The following CAPN5 variants were observed in gnomAD, a reference collection of about 807,000 sequenced individuals.
CAPN5 encodes the protein calpain-5.
CAPN5 carries 54 observed loss-of-function variants against 73.0 expected under a neutral mutation model. The observed-to-expected ratio is 0.74, with a 90% CI of 0.59 to 0.93. The LOEUF (loss-of-function observed/expected upper bound fraction) is 0.93, where lower values mean the gene tolerates loss of function less well. Among genes scored for constraint, CAPN5 ranks in the 40% least tolerant of loss-of-function variants. CAPN5 has a pLI of 0.00. For synonymous variants in CAPN5, 335 were observed against 356.9 expected (o/e 0.94, Z 0.69); for missense variants, 785 against 882.9 (o/e 0.89, Z 1.41).
intron 3 of CAPN5, chr11:77,103,100 G>C: frequency 6.2e-7 from 1 of 1,613,880 alleles, no homozygotes; most frequent in Non-Finnish European, 8.5e-7. Context: ...CGCAGAACTG[G>C]ACGCCTGACC....
At chr11:77,105,054 G>T (rs548612988) in intron 3 of CAPN5, among the ~76,000 whole-genome samples, 2 of 151,822 alleles carry the variant, frequency 1.3e-5, no homozygotes. Flanking sequence ...GGCCAGAACC[G>T]TGTGCAGTGG....
chr11:77,080,475 C>A (rs1026079815), intron 1 of CAPN5, among the ~76,000 whole-genome samples: 1 of 152,236 alleles, frequency 6.6e-6, no homozygotes, highest in Non-Finnish European at 1.5e-5. Flanking sequence ...AGCTCTGGAG[C>A]CTGGCCTTGG....
chr11:77,119,635 C>T (rs958867193), intron 9 of CAPN5: 3 of 164,242 alleles, frequency 1.8e-5, no homozygotes, highest in African/African-American at 7.1e-5. Flanking sequence ...CTGAGGCCTT[C>T]CACGTGTTGT....
At chr11:77,092,336 C>G (rs1241598913) in intron 2 of CAPN5, among the ~76,000 whole-genome samples, 2 of 152,262 alleles carry the variant, frequency 1.3e-5, no homozygotes, top group African/African-American at 4.8e-5. Flanking sequence ...GATTGAGGAG[C>G]TGGAATTCAG....
At chr11:77,113,704 G>A (rs552789611) in intron 4 of CAPN5, among the ~76,000 whole-genome samples, 2 of 108,486 alleles carry the variant, frequency 1.8e-5, no homozygotes, top group African/African-American at 7.9e-5. Flanking sequence ...CCAGCCCCCT[G>A]GTGGCCACTG....
At chr11:77,071,616 A>G (rs1555033083) in intron 1 of CAPN5, 1 of 453,950 alleles carries the variant, frequency 2.2e-6, no homozygotes. Context: ...ACAGATGAGA[A>G]TTCTGAAGCA....
In CAPN5 at chr11:77,120,892, T is replaced by C; in HGVS notation, c.1470T>C (p.Asp490=). The C allele has an allele frequency of 6.2e-7, 1 of 1,613,406 alleles. No homozygotes were observed. Among genetic ancestry groups the C allele is most frequent in the Non-Finnish European group, 8.5e-7 (1 of 1,179,486 alleles). Residue 490 remains aspartate (D), a synonymous_variant, in exon 10 of 13, where the codon GAT becomes GAC. Transcript: ENST00000648180. ...TGEFLLRVFT[D]VPSNCRELRL... is the part of the protein sequence containing the mutation. Reference sequence around the variant, plus strand: ...AGTTCCTGCTCCGAGTCTTCACTGATGTGCCCTCCAACTGCCGGTACTTGG... The same window carrying C: ...AGTTCCTGCTCCGAGTCTTCACTGACGTGCCCTCCAACTGCCGGTACTTGG...
At position 77,094,377 on chromosome 11, in the gene CAPN5, T is replaced by C. The variant is rs181783046; in HGVS notation, c.297+564T>C. On this transcript the variant is annotated intron_variant, in intron 3 of 12. Coordinates refer to ENST00000648180, the MANE Select transcript of CAPN5 (RefSeq NM_004055.5). ...ACCCAACCTCCTATCCCAGCACAGTTCCAAGCTGCTGGTGTTCTGGACCAG... is the reference window on the plus strand; with the variant it reads ...ACCCAACCTCCTATCCCAGCACAGTCCCAAGCTGCTGGTGTTCTGGACCAG... Among the ~76,000 whole-genome samples the C allele has an allele frequency of 2.2e-3, 338 of 151,050 alleles. 12 individuals carry two copies. The highest frequency in any genetic ancestry group is 0.019 in the Admixed American group (286 of 15,218).
chr11:77,119,080 G>C lies in CAPN5; in HGVS notation c.1218G>C (p.Gln406His). The change falls in exon 9 of 13, where the codon CAG (glutamine) becomes CAC (histidine). Residue 406 changes from glutamine (Q) to histidine (H), a missense_variant. By Grantham distance (24) the Gln-to-His change is conservative (BLOSUM62 0). Transcript: ENST00000648180. ...KPEDEVLICI[Q>H]QRPKRSTRRE... ...AAGATGAAGTCCTGATCTGCATCCA[G>C]CAGCGGCCAAAGCGGTCTACGCGCC... 6.2e-7 allele frequency: 1 copy of C among 1,614,070 alleles called. No homozygotes were observed. The highest frequency in any genetic ancestry group is 8.5e-7 in the Non-Finnish European group (1 of 1,179,996).
At chr11:77,070,740 C>G (rs1949896055) in intron 1 of CAPN5, among the ~76,000 whole-genome samples, 1 of 152,214 alleles carries the variant, frequency 6.6e-6, no homozygotes, top group South Asian at 2.1e-4. Context: ...CCCCATGAGT[C>G]TAATGGAGCT....
At chr11:77,081,267 C>G (rs1473458932) in intron 1 of CAPN5, among the ~76,000 whole-genome samples, 4 of 152,202 alleles carry the variant, frequency 2.6e-5, no homozygotes, top group Admixed American at 6.5e-5. Flanking sequence ...TACCTCTGAG[C>G]CTTTGCGTGA....
intron 7 of CAPN5, 45 bp downstream of exon 7, chr11:77,116,348 C>T: frequency 6.6e-7 from 1 of 1,520,904 alleles, no homozygotes; most frequent in Admixed American, 1.8e-5. Flanking sequence ...AGGGGGCTTC[C>T]CACGGGCCTG....
chr11:77,117,651 C>A (rs145401988), intron 7 of CAPN5, among the ~76,000 whole-genome samples: 1 of 152,210 alleles, frequency 6.6e-6, no homozygotes, highest in African/African-American at 2.4e-5. Context: ...TCCCTGGAGG[C>A]GTTCACAGTG....
chr11:77,089,033 A>C (rs1591120760), intron 2 of CAPN5, among the ~76,000 whole-genome samples: 1 of 152,050 alleles, frequency 6.6e-6, no homozygotes, highest in Non-Finnish European at 1.5e-5. Flanking sequence ...CCTCCCAGGG[A>C]CCTGTCTGTA....
At chr11:77,118,889 A>G in intron 8 of CAPN5, 141 bp from the exon 9 acceptor site, 1 of 903,282 alleles carries the variant, frequency 1.1e-6, no homozygotes, top group Admixed American at 2.4e-5. Flanking sequence ...TGGTAGGCCC[A>G]CCTCACAGCA....
intron 1 of CAPN5, among the ~76,000 whole-genome samples, chr11:77,069,895 A>C (rs1425442956): frequency 6.6e-6 from 1 of 152,016 alleles, no homozygotes; most frequent in East Asian, 1.9e-4. Context: ...GCCCTCCTCC[A>C]GGCTGGTGGA....
intron 1 of CAPN5, among the ~76,000 whole-genome samples, chr11:77,072,713 T>C (rs555093877): frequency 4.1e-4 from 62 of 152,348 alleles, no homozygotes; most frequent in African/African-American, 1.5e-3. Context: ...GCACTTCAGT[T>C]TCCCAAAGTG....
chr11:77,104,332 T>G (rs1950320797), intron 3 of CAPN5, among the ~76,000 whole-genome samples: 1 of 152,220 alleles, frequency 6.6e-6, no homozygotes, highest in African/African-American at 2.4e-5. Context: ...CTTTAGAGCT[T>G]GCAGGTCAGG....
chr11:77,122,531 G>GCCCCCCCCCCC, intron 11 of CAPN5, 45 bp from the exon 12 acceptor site: 4 of 1,228,402 alleles, frequency 3.3e-6, no homozygotes, highest in Admixed American at 4.1e-5. Flanking sequence ...CCCTGCCACA[G>GCCCCCCCCCCC]CCCCCACCCC....
Sources: gnomAD v4.1 joint callset for allele counts (sites outside exome capture counted in the v4.1 genomes callset) on GRCh38, gnomAD v4.1.1 for gene constraint, MANE v1.5 for transcripts, NCBI Gene and HGNC (gene_info 2026-07-23, HGNC 2026-07-21) for gene names.